Variants in FLT1 observed in about 807,000 individuals in gnomAD.
FLT1 encodes fms related receptor tyrosine kinase 1.
In FLT1, 49 loss-of-function variants were observed where a neutral mutation model predicts 156.3. That is an observed-to-expected ratio of 0.31 (90% CI 0.25 to 0.40). The LOEUF is 0.40. Ranked by LOEUF, FLT1 falls within the 10% of genes least tolerant of loss-of-function variation. The pLI is 1.00. For missense variants in FLT1, 1,322 were observed against 1,637.2 expected (o/e 0.81, Z 3.32); for synonymous variants, 594 against 583.8 (o/e 1.02, Z -0.25).
intron 1 of FLT1, among the ~76,000 whole-genome samples, chr13:28,480,181 T>C (rs963441529): frequency 2.6e-5 from 4 of 152,194 alleles, no homozygotes; most frequent in Admixed American, 2.0e-4. Context: ...CCAATCCTGG[T>C]TTTTCCCCTC....
chr13:28,386,907 T>C (rs1177925266), intron 13 of FLT1: 1 of 1,045,990 alleles, frequency 9.6e-7, no homozygotes, highest in Non-Finnish European at 1.2e-6. Context: ...CTATTTCCCA[T>C]GCATTAAATA....
Position 28,494,766 on chromosome 13 carries a change from C to T in FLT1, c.64+14G>A. 1 of 1,550,080 alleles carries T rather than the reference C, an allele frequency of 6.5e-7. No individual in the cohort carries two copies. Among genetic ancestry groups the T allele is most frequent in the South Asian group, 1.2e-5 (1 of 84,642 alleles). ...GCAGCCCGCCTCAGGCCCCGGCCCC[C>T]AGCCGCGCCTCACCTGTGAGAAGCA... is the stretch of plus-strand genomic sequence containing the variant. On this transcript the variant is annotated intron_variant, in intron 1 of 29. Transcript: ENST00000282397.
intron 25 of FLT1, among the ~76,000 whole-genome samples, chr13:28,315,487 T>C (rs1189177406): frequency 1.3e-5 from 2 of 152,082 alleles, no homozygotes; most frequent in Non-Finnish European, 2.9e-5. Context: ...ACTCAGGAGG[T>C]GGAGGTTGCA....
intron 15 of FLT1, 143 bp downstream of exon 15, chr13:28,357,411 G>C: frequency 1.2e-6 from 1 of 835,500 alleles, no homozygotes. Flanking sequence ...GTCCCTTCCC[G>C]GAGTGGCAGG....
In FLT1 at chr13:28,439,338, G is replaced by T. The variant is rs1481903945; in HGVS notation, c.389-993C>A. Among the ~76,000 whole-genome samples, 1 of 152,158 alleles carries T rather than the reference G, an allele frequency of 6.6e-6. No homozygotes were observed. Among genetic ancestry groups the T allele is most frequent in the Admixed American group, 6.5e-5 (1 of 15,282 alleles). ...GTCCTGTGTGAACTCTCTCCATTTG[G>T]ACCTGAAAGAACCAACCAGGCCCCC... On this transcript the variant is annotated intron_variant, in intron 3 of 29. Coordinates refer to ENST00000282397, the MANE Select transcript of FLT1 (RefSeq NM_002019.4). This position sits in a 1 kb window ranked among gnomAD's most constrained non-coding sequence, Gnocchi z 4.1.
chr13:28,331,776 A>C (rs1871941495), intron 18 of FLT1, among the ~76,000 whole-genome samples: 1 of 152,212 alleles, frequency 6.6e-6, no homozygotes. Flanking sequence ...TAATTTAAGC[A>C]AGAAAGCTGA....
intron 15 of FLT1, among the ~76,000 whole-genome samples, chr13:28,352,129 G>C (rs1272459651): frequency 1.3e-5 from 2 of 152,186 alleles, no homozygotes; most frequent in Admixed American, 1.3e-4. Flanking sequence ...TTGAGGTATA[G>C]AGCATAAAAC....
At chr13:28,475,609 T>A (rs1354828525) in intron 1 of FLT1, among the ~76,000 whole-genome samples, 2 of 152,148 alleles carry the variant, frequency 1.3e-5, no homozygotes, top group African/African-American at 4.8e-5. Flanking sequence ...GTGGCAAGGA[T>A]GGGAGAAGGG....
intron 16 of FLT1, among the ~76,000 whole-genome samples, chr13:28,341,871 G>T (rs938152240): frequency 1.6e-4 from 24 of 152,008 alleles, no homozygotes; most frequent in Non-Finnish European, 3.1e-4. Context: ...TACCTTTCCA[G>T]TTTTATTTTT....
intron 3 of FLT1, among the ~76,000 whole-genome samples, chr13:28,463,467 A>G (rs1037897975): frequency 6.6e-5 from 10 of 152,210 alleles, no homozygotes; most frequent in African/African-American, 2.4e-4. Flanking sequence ...TAGACTACAA[A>G]TCTACCTTTT....
chr13:28,338,842 C>A (rs556292421), intron 17 of FLT1, among the ~76,000 whole-genome samples: 1 of 152,282 alleles, frequency 6.6e-6, no homozygotes, highest in Admixed American at 6.5e-5. Context: ...TCACTTACCA[C>A]TTTTGCACCT....
chr13:28,385,210 G>A (rs965402322), intron 13 of FLT1, among the ~76,000 whole-genome samples, 179 bp from the exon 14 acceptor site: 4 of 152,090 alleles, frequency 2.6e-5, no homozygotes, highest in Non-Finnish European at 4.4e-5. Context: ...AAGATGCTAC[G>A]ATAAATTGAA....
At chr13:28,431,103 T>C (rs373639042) in intron 7 of FLT1, 33 bp downstream of exon 7, 8 of 1,564,280 alleles carry the variant, frequency 5.1e-6, no homozygotes, top group Non-Finnish European at 6.2e-6. Context: ...TTAGAAAGCA[T>C]AGCATGAGTT....
Position 28,385,046 on chromosome 13 carries a change from A to C in FLT1, c.1970-15T>G, listed in dbSNP as rs1874279436. Reference sequence around the variant, plus strand: ...TGCTTCCTGATCTAGTGAAGAAAGAAAGGGAGCTGTGATTACTCGTCAACT... The same window carrying C: ...TGCTTCCTGATCTAGTGAAGAAAGACAGGGAGCTGTGATTACTCGTCAACT... On this transcript the variant is annotated splice_polypyrimidine_tract_variant and intron_variant, in intron 13 of 29. Coordinates refer to ENST00000282397, the MANE Select transcript of FLT1 (RefSeq NM_002019.4). 6.2e-7 allele frequency: 1 copy of C among 1,613,786 alleles called. No homozygotes were observed. Among genetic ancestry groups the C allele is most frequent in the Admixed American group, 1.7e-5 (1 of 59,996 alleles).
At chr13:28,329,525 C>T in intron 19 of FLT1, 90 bp downstream of exon 19, 1 of 923,176 alleles carries the variant, frequency 1.1e-6, no homozygotes, top group Non-Finnish European at 1.8e-6. Context: ...CGAGGAAGCA[C>T]AGTGCGGGGG....
At position 28,434,132 on chromosome 13, in the gene FLT1, T is replaced by G. The variant is rs781127774; in HGVS notation, c.602A>C (p.Glu201Ala). 2.0e-5 allele frequency: 33 copies of G among 1,614,054 alleles called. No homozygotes were observed. The highest frequency in any genetic ancestry group is 2.5e-5 in the Non-Finnish European group (30 of 1,180,016). The change falls in exon 5 of 30, where the codon GAA becomes GCA. Residue 201 changes from glutamate to alanine, a missense_variant. Glu to Ala is a moderately radical substitution (Grantham distance 107). Transcript: ENST00000282397. ...TGCTTCACAGGTCAGAAGCCCTATT[T>G]CTTTGTACGTTGCATTTGATATGAT... is the stretch of plus-strand genomic sequence containing the variant. ...GFIISNATYK[E>A]IGLLTCEATV...
At chr13:28,325,071 T>C (rs910737330) in intron 20 of FLT1, among the ~76,000 whole-genome samples, 4 of 152,182 alleles carry the variant, frequency 2.6e-5, no homozygotes, top group African/African-American at 4.8e-5. Context: ...CTTCCAAATA[T>C]GAAAGACAGC....
At position 28,334,418 on chromosome 13, in the gene FLT1, A is replaced by G. The variant is rs141118657; in HGVS notation, c.2489-289T>C. Among the ~76,000 whole-genome samples, 7 of 152,302 alleles carry G rather than the reference A, an allele frequency of 4.6e-5. 1 individual carries two copies. In the East Asian group the frequency reaches 1.4e-3, roughly 29 times the overall value. On this transcript the variant is annotated intron_variant, in intron 17 of 29. Transcript: ENST00000282397. Reference sequence around the variant, plus strand: ...TCCACAGCGTTCTCCCGTAGGAGAGATGGGACCAAGTCCCGTGTAGTTTCT... The same window carrying G: ...TCCACAGCGTTCTCCCGTAGGAGAGGTGGGACCAAGTCCCGTGTAGTTTCT...
rs527441963 is a variant in FLT1, at chr13:28,358,276, G to T, written c.2117-591C>A. ...TATTTCATTTGTCATAAGGCCTGGT[G>T]AGTCAATATAGCCTAGTGATGAAGA... On this transcript the variant is annotated intron_variant, in intron 14 of 29. Transcript: ENST00000282397. Among the ~76,000 whole-genome samples, 4 of 152,308 alleles carry T rather than the reference G, an allele frequency of 2.6e-5. No homozygotes were observed. In the South Asian group the frequency reaches 8.3e-4, roughly 32 times the overall value.
Sources: allele counts gnomAD v4.1 joint callset (sites outside exome capture counted in the v4.1 genomes callset), GRCh38; gene constraint gnomAD v4.1.1; non-coding constraint Gnocchi (gnomAD v3.1); transcripts MANE v1.5; gene names NCBI Gene and HGNC (gene_info 2026-07-23, HGNC 2026-07-21).